Variants in NELL1 observed in about 807,000 individuals in gnomAD.
NELL1 encodes neural EGFL like 1.
A neutral mutation model predicts 107.4 loss-of-function variants in NELL1; 76 were observed. The ratio of observed to expected loss-of-function variants is 0.71; its 90% CI spans 0.59 to 0.86. The LOEUF is 0.86. Ranked by LOEUF, NELL1 falls within the 40% of genes least tolerant of loss-of-function variation. The pLI is 0.00. For synonymous variants in NELL1, 353 were observed against 341.2 expected (o/e 1.03, Z -0.38); for missense variants, 1,024 against 1,005.5 (o/e 1.02, Z -0.25).
At chr11:21,491,587 T>G (rs1854815003) in intron 15 of NELL1, among the ~76,000 whole-genome samples, 1 of 152,162 alleles carries the variant, frequency 6.6e-6, no homozygotes, top group African/African-American at 2.4e-5. Flanking sequence ...ACCATGCTGT[T>G]TGGGTTACTG....
chr11:20,777,007 T>G (rs1330561926), intron 2 of NELL1, among the ~76,000 whole-genome samples: 2 of 152,192 alleles, frequency 1.3e-5, no homozygotes, highest in Non-Finnish European at 2.9e-5. Flanking sequence ...TCAATAAATA[T>G]TTCCTGAGTG....
chr11:20,974,619 G>T (rs944676003), intron 12 of NELL1, among the ~76,000 whole-genome samples: 1 of 152,048 alleles, frequency 6.6e-6, no homozygotes, highest in African/African-American at 2.4e-5. Context: ...GGTGCGGAGG[G>T]TAAACAGAGC....
At chr11:20,820,639 A>T (rs1328302936) in intron 3 of NELL1, among the ~76,000 whole-genome samples, 1 of 152,152 alleles carries the variant, frequency 6.6e-6, no homozygotes, top group Non-Finnish European at 1.5e-5. Flanking sequence ...GCTCAGCCAC[A>T]GTGGCCTCCC....
intron 14 of NELL1, among the ~76,000 whole-genome samples, chr11:21,276,939 A>G (rs1378046927): frequency 6.7e-6 from 1 of 148,222 alleles, no homozygotes; most frequent in African/African-American, 2.5e-5. Flanking sequence ...TAAAACCATA[A>G]AAACCCTAGA....
intron 14 of NELL1, among the ~76,000 whole-genome samples, chr11:21,245,649 G>A (rs946974343): frequency 4.6e-5 from 7 of 152,096 alleles, no homozygotes; most frequent in African/African-American, 9.7e-5. Flanking sequence ...GTAGGCAGGC[G>A]GACAATGTAT....
chr11:20,894,259 A>G (rs1332276553), intron 5 of NELL1, among the ~76,000 whole-genome samples: 6 of 152,236 alleles, frequency 3.9e-5, no homozygotes, highest in African/African-American at 1.4e-4. Flanking sequence ...TAATAACTAT[A>G]AAGGAAAAGA....
intron 12 of NELL1, among the ~76,000 whole-genome samples, chr11:20,975,195 T>C (rs1851580542): frequency 6.6e-6 from 1 of 150,612 alleles, no homozygotes; most frequent in South Asian, 2.1e-4. Flanking sequence ...ATTTTTTTTT[T>C]AGTAGAGATG....
intron 2 of NELL1, among the ~76,000 whole-genome samples, chr11:20,771,260 G>T (rs1175582348): frequency 4.6e-5 from 7 of 152,062 alleles, no homozygotes; most frequent in Non-Finnish European, 1.5e-5. Flanking sequence ...ATGCTGCCCT[G>T]TTGGTCCCTG....
At chr11:21,159,743 A>G (rs934157165) in intron 13 of NELL1, among the ~76,000 whole-genome samples, 1 of 152,212 alleles carries the variant, frequency 6.6e-6, no homozygotes, top group Non-Finnish European at 1.5e-5. Flanking sequence ...AAATCTTGAG[A>G]TAAATGTCAA....
intron 15 of NELL1, among the ~76,000 whole-genome samples, chr11:21,512,153 A>G (rs950482260): frequency 6.6e-6 from 1 of 152,170 alleles, no homozygotes; most frequent in Non-Finnish European, 1.5e-5. Context: ...GTACCTCTTT[A>G]GCTGAAATGA....
intron 14 of NELL1, among the ~76,000 whole-genome samples, chr11:21,259,429 G>A (rs936809190): frequency 3.3e-5 from 5 of 151,924 alleles, no homozygotes; most frequent in Non-Finnish European, 5.9e-5. Context: ...TTTTGGGGCA[G>A]AGGAATAGCA....
Position 21,273,563 on chromosome 11 carries a change from A to T in NELL1, c.1549+44109A>T, listed in dbSNP as rs188430153. ...AGGAAAGACAGAGAACACCACAAAG[A>T]TGCTCCTCGAGAAGAGCAACTCCAA... is the stretch of plus-strand genomic sequence containing the variant. On this transcript the variant is annotated intron_variant, in intron 14 of 19. Transcript: ENST00000357134. Among the ~76,000 whole-genome samples the T allele has an allele frequency of 2.8e-3, 434 of 152,322 alleles. 4 individuals are homozygous for T. The highest frequency in any genetic ancestry group is 4.6e-3 in the Non-Finnish European group (312 of 68,034).
intron 15 of NELL1, among the ~76,000 whole-genome samples, chr11:21,453,037 T>G (rs1471554761): frequency 6.6e-6 from 1 of 152,062 alleles, no homozygotes; most frequent in Non-Finnish European, 1.5e-5. Flanking sequence ...TCTGTATGAT[T>G]TAAATCATTT....
intron 4 of NELL1, among the ~76,000 whole-genome samples, chr11:20,864,992 T>G (rs1849067028): frequency 6.6e-6 from 1 of 152,218 alleles, no homozygotes; most frequent in Non-Finnish European, 1.5e-5. Flanking sequence ...ACTAGTCTCC[T>G]TGACCTTGAC....
intron 14 of NELL1, among the ~76,000 whole-genome samples, chr11:21,272,036 GGAGT>G (rs1321881986): frequency 6.6e-6 from 1 of 152,180 alleles, no homozygotes; most frequent in Non-Finnish European, 1.5e-5. Flanking sequence ...ATCTCACTGG[GGAGT>G]GTCGGAAAGT....
At chr11:21,512,579 G>C (rs1022244046) in intron 15 of NELL1, among the ~76,000 whole-genome samples, 1 of 152,086 alleles carries the variant, frequency 6.6e-6, no homozygotes, top group East Asian at 1.9e-4. Context: ...TCAACTTTGT[G>C]CCCCTAGTAA....
chr11:21,103,572 G>A (rs1188149415), intron 12 of NELL1, among the ~76,000 whole-genome samples: 2 of 152,098 alleles, frequency 1.3e-5, no homozygotes, highest in Non-Finnish European at 2.9e-5. Context: ...ACTATGCTTG[G>A]CATAAAGTGG....
chr11:20,916,955 C>G (rs75360909), intron 5 of NELL1, among the ~76,000 whole-genome samples: 2 of 151,968 alleles, frequency 1.3e-5, no homozygotes, highest in Non-Finnish European at 2.9e-5. Flanking sequence ...GGAGACAGAT[C>G]CAGAACTTGA....
At chr11:21,167,946 C>T (rs1008713622) in intron 13 of NELL1, among the ~76,000 whole-genome samples, 2 of 151,652 alleles carry the variant, frequency 1.3e-5, no homozygotes, top group African/African-American at 4.9e-5. Context: ...TTTCATTGTT[C>T]TATTTATTTC....
Sources: gnomAD v4.1 joint callset for allele counts (sites outside exome capture counted in the v4.1 genomes callset) on GRCh38, gnomAD v4.1.1 for gene constraint, MANE v1.5 for transcripts, NCBI Gene and HGNC (gene_info 2026-07-23, HGNC 2026-07-21) for gene names.